Variants in LPGAT1 observed in about 807,000 individuals in gnomAD.
LPGAT1 encodes lysophosphatidylglycerol acyltransferase 1, also known as acyl-CoA:lysophosphatidylglycerol acyltransferase 1.
A neutral mutation model predicts 47.5 loss-of-function variants in LPGAT1; 11 were observed. The ratio of observed to expected loss-of-function variants is 0.23; its 90% CI spans 0.15 to 0.38. The LOEUF (loss-of-function observed/expected upper bound fraction) is 0.38, where lower values mean the gene tolerates loss of function less well. LPGAT1 is among the 10% of genes least tolerant of loss of function. The pLI is 1.00. For synonymous variants in LPGAT1, 138 were observed against 144.2 expected (o/e 0.96, Z 0.31); for missense variants, 293 against 439.0 (o/e 0.67, Z 2.97).
At chr1:211,812,710 G>A (rs4951553) in intron 2 of LPGAT1, among the ~76,000 whole-genome samples, 56,235 of 152,086 alleles carry the variant, frequency 0.37, 12,037 homozygotes, top group East Asian at 0.76. Flanking sequence ...CCAACGACTC[G>A]AGTCCTTGTG....
intron 6 of LPGAT1, among the ~76,000 whole-genome samples, chr1:211,760,184 G>T (rs891658845): frequency 1.3e-5 from 2 of 152,242 alleles, no homozygotes; most frequent in African/African-American, 2.4e-5. Flanking sequence ...ATCGGGCCGG[G>T]CGTGGTGGCT....
intron 2 of LPGAT1, among the ~76,000 whole-genome samples, chr1:211,819,148 A>C (rs1318486347): frequency 1.3e-5 from 2 of 152,190 alleles, no homozygotes; most frequent in Admixed American, 6.5e-5. Flanking sequence ...CAACAAGGAG[A>C]AAAAACTGCG....
At chr1:211,788,320 T>A (rs1658968262) in intron 3 of LPGAT1, among the ~76,000 whole-genome samples, 1 of 152,152 alleles carries the variant, frequency 6.6e-6, no homozygotes, top group Non-Finnish European at 1.5e-5. Context: ...CAGAAAAATA[T>A]TATCCACTGC....
chr1:211,809,882 G>GA lies in LPGAT1; in HGVS notation c.239-16693dup, dbSNP rs1659905803. Reference sequence around the variant, plus strand: ...ATACAATTCCTAAAATGAGTAAATGGAAAAAAGGAAATTCTAACATCTCCT... The same window carrying GA: ...ATACAATTCCTAAAATGAGTAAATGGAAAAAAAGGAAATTCTAACATCTCCT... On this transcript the variant is annotated intron_variant, in intron 2 of 7. Coordinates refer to ENST00000366997, the MANE Select transcript of LPGAT1 (RefSeq NM_014873.3). Among the ~76,000 whole-genome samples the GA allele has an allele frequency of 2.0e-5, 3 of 152,050 alleles. No individual in the cohort carries two copies. In the South Asian group the frequency reaches 6.2e-4, roughly 32 times the overall value.
intron 6 of LPGAT1, among the ~76,000 whole-genome samples, chr1:211,753,621 G>A (rs1657305071): frequency 6.6e-6 from 1 of 152,004 alleles, no homozygotes; most frequent in Admixed American, 6.6e-5. Flanking sequence ...AAATTATAAT[G>A]GAAATTTTTA....
At chr1:211,760,148 C>T (rs917927626) in intron 6 of LPGAT1, among the ~76,000 whole-genome samples, 1 of 152,170 alleles carries the variant, frequency 6.6e-6, no homozygotes, top group Non-Finnish European at 1.5e-5. Flanking sequence ...GAAATCCATC[C>T]ATGAAGTCTC....
At chr1:211,786,673 C>T (rs927318055) in intron 4 of LPGAT1, among the ~76,000 whole-genome samples, 1 of 152,146 alleles carries the variant, frequency 6.6e-6, no homozygotes, top group Non-Finnish European at 1.5e-5. Flanking sequence ...ATCATCTTCT[C>T]TGAAGTTTTT....
chr1:211,830,410 G>C lies in LPGAT1; in HGVS notation c.-28+163C>G, dbSNP rs1240659457. The C allele has an allele frequency of 8.5e-7, 1 of 1,172,428 alleles. No individual in the cohort carries two copies. 72.6% of individuals were successfully genotyped at this position (1,172,428 alleles called of 1,614,324 possible). On this transcript the variant is annotated intron_variant, in intron 1 of 7. Coordinates refer to ENST00000366997, the MANE Select transcript of LPGAT1 (RefSeq NM_014873.3). The surrounding 1 kb of genome is among the most constrained non-coding windows in gnomAD (Gnocchi z 5.9). The stretch of plus-strand genomic sequence containing the variant: ...TCCCGGGGAGGCGGGCGGATGCCCC[G>C]CGCCCCCGCCTCCTCCCCGGGGCCT...
chr1:211,757,118 G>C (rs1024702400), intron 6 of LPGAT1, among the ~76,000 whole-genome samples: 9 of 151,954 alleles, frequency 5.9e-5, no homozygotes, highest in African/African-American at 2.2e-4. Context: ...TTAGCCAGAT[G>C]TGGTGGCAGG....
chr1:211,810,325 T>C (rs1261056812), intron 2 of LPGAT1, among the ~76,000 whole-genome samples: 3 of 152,022 alleles, frequency 2.0e-5, no homozygotes, highest in African/African-American at 7.2e-5. Flanking sequence ...CAAGAGAAAG[T>C]AGAACGTGAC....
chr1:211,778,332 ACT>A (rs1658494678), intron 6 of LPGAT1, among the ~76,000 whole-genome samples: 1 of 143,624 alleles, frequency 7.0e-6, no homozygotes, highest in Non-Finnish European at 1.5e-5. Flanking sequence ...ACAGACTGAG[ACT>A]CTGTCTCAAA....
chr1:211,782,240 A>C (rs762763637), intron 5 of LPGAT1, among the ~76,000 whole-genome samples: 1 of 152,194 alleles, frequency 6.6e-6, no homozygotes, highest in Non-Finnish European at 1.5e-5. Context: ...ATAATTACTA[A>C]TCCATTCTCA....
At chr1:211,813,610 T>C (rs899085210) in intron 2 of LPGAT1, among the ~76,000 whole-genome samples, 3 of 152,188 alleles carry the variant, frequency 2.0e-5, no homozygotes, top group African/African-American at 7.2e-5. Context: ...TTAATAATAA[T>C]TGAATACAAT....
At chr1:211,774,497 G>A (rs1658311155) in intron 6 of LPGAT1, among the ~76,000 whole-genome samples, 1 of 152,102 alleles carries the variant, frequency 6.6e-6, no homozygotes, top group South Asian at 2.1e-4. Flanking sequence ...GGCCACCAGA[G>A]TCCCAGCATT....
At chr1:211,799,565 T>C (rs958352510) in intron 2 of LPGAT1, among the ~76,000 whole-genome samples, 1 of 152,188 alleles carries the variant, frequency 6.6e-6, no homozygotes, top group East Asian at 1.9e-4. Context: ...GACAGGAACT[T>C]GGATAAATGC....
In LPGAT1 at chr1:211,744,107, CATT is replaced by C. The variant is rs1213704845; in HGVS notation, c.*5789_*5791del. 9.2e-5 allele frequency: 14 copies of C among 152,200 alleles called. No individual in the cohort carries two copies. The highest frequency in any genetic ancestry group is 2.1e-4 in the Non-Finnish European group (14 of 68,002). 9.4% of individuals were successfully genotyped at this position (152,200 alleles called of 1,614,324 possible). A position where few individuals can be genotyped will look rare whatever the true frequency, so the allele number is the denominator to read the frequency against. On this transcript the variant is annotated 3_prime_UTR_variant, in exon 8 of 8. Coordinates refer to ENST00000366997, the MANE Select transcript of LPGAT1 (RefSeq NM_014873.3). ...TCAAAAGTTCGCTGTGTAGGACTGA[CATT>C]AATGCTTTTCCTACCCTTTAAAGCC... is the stretch of plus-strand genomic sequence containing the variant.
chr1:211,769,450 T>A (rs1658071575), intron 6 of LPGAT1, among the ~76,000 whole-genome samples: 1 of 151,980 alleles, frequency 6.6e-6, no homozygotes, highest in African/African-American at 2.4e-5. Context: ...GAGAGTGTTA[T>A]GGGAAAGGGG....
At chr1:211,759,557 T>C (rs895641792) in intron 6 of LPGAT1, among the ~76,000 whole-genome samples, 10 of 152,348 alleles carry the variant, frequency 6.6e-5, no homozygotes, top group African/African-American at 2.4e-4. Context: ...TCTACTGTAA[T>C]TGGATTTAAT....
At position 211,787,628 on chromosome 1, in the gene LPGAT1, T is replaced by C. The variant is rs371724190; in HGVS notation, c.453+4A>G. The C allele has an allele frequency of 6.3e-5, 96 of 1,529,420 alleles. No individual in the cohort carries two copies. The highest frequency in any genetic ancestry group is 8.3e-5 in the Non-Finnish European group (92 of 1,111,418). 94.7% of individuals were successfully genotyped at this position (1,529,420 alleles called of 1,614,324 possible). A position where few individuals can be genotyped will look rare whatever the true frequency, so the allele number is the denominator to read the frequency against. Reference sequence around the variant, plus strand: ...ACTGCGGGGAAAAAGTGCTCATTACTTACCTGTCTTATAAAGAAGTCTCCA... The same window carrying C: ...ACTGCGGGGAAAAAGTGCTCATTACCTACCTGTCTTATAAAGAAGTCTCCA... On this transcript the variant is annotated splice_donor_region_variant and intron_variant, in intron 4 of 7. Transcript: ENST00000366997.
Sources: allele counts gnomAD v4.1 joint callset (sites outside exome capture counted in the v4.1 genomes callset), GRCh38; gene constraint gnomAD v4.1.1; non-coding constraint Gnocchi (gnomAD v3.1); transcripts MANE v1.5; gene names NCBI Gene and HGNC (gene_info 2026-07-23, HGNC 2026-07-21).